Variants in EIF4E3 observed in about 807,000 individuals in gnomAD.
The protein encoded by EIF4E3 is eukaryotic translation initiation factor 4E family member 3.
Under a neutral mutation model 31.7 loss-of-function variants are expected in EIF4E3, and 26 were observed. That is an observed-to-expected ratio of 0.82 (90% CI 0.60 to 1.14). EIF4E3 has a LOEUF of 1.14. Among genes scored for constraint, EIF4E3 ranks in the 50% most tolerant of loss-of-function variants. The pLI, the probability that EIF4E3 is intolerant of heterozygous loss-of-function variation, is 0.00. For synonymous variants in EIF4E3, 128 were observed against 107.7 expected (o/e 1.19, Z -1.17); for missense variants, 304 against 270.9 (o/e 1.12, Z -0.86).
chr3:71,735,823 G>T (rs907803914), intron 1 of EIF4E3, among the ~76,000 whole-genome samples: 3 of 151,496 alleles, frequency 2.0e-5, no homozygotes, highest in Non-Finnish European at 4.4e-5. Context: ...AAAATGAGAA[G>T]AAAACATTTT....
rs539763498 is a variant in EIF4E3 at position 71,677,521 on chromosome 3, C to T, written c.*7161G>A. The stretch of plus-strand genomic sequence containing the variant: ...CACATTCCAAAAAGTGCATCAATAA[C>T]GACTAGATGATAAAGTACACACAGA... On this transcript the variant is annotated 3_prime_UTR_variant, in exon 7 of 7. Transcript: ENST00000425534. The T allele has an allele frequency of 6.6e-6, 1 of 151,916 alleles. No homozygotes were observed. Among genetic ancestry groups the T allele is most frequent in the Non-Finnish European group, 1.5e-5 (1 of 67,952 alleles). 9.4% of individuals were successfully genotyped at this position (151,916 alleles called of 1,614,324 possible).
intron 2 of EIF4E3, among the ~76,000 whole-genome samples, chr3:71,706,966 C>T (rs966393873): frequency 1.3e-5 from 2 of 152,342 alleles, no homozygotes; most frequent in South Asian, 4.1e-4. Flanking sequence ...TGGACACTCG[C>T]AGGCTGAAAA....
At position 71,681,577 on chromosome 3, in the gene EIF4E3, G is replaced by GTGGCTAGTGGGCAGGTTAAGGC. The variant is rs2048923884; in HGVS notation, c.*3083_*3104dup. On this transcript the variant is annotated 3_prime_UTR_variant, in exon 7 of 7. Coordinates refer to ENST00000425534, the MANE Select transcript of EIF4E3 (RefSeq NM_001134651.2). The stretch of plus-strand genomic sequence containing the variant: ...ATCAGATATTTAATGCTTGATTAGG[G>GTGGCTAGTGGGCAGGTTAAGGC]TGGCTAGTGGGCAGGTTAAGGCTGG... 1 of 152,248 alleles carries GTGGCTAGTGGGCAGGTTAAGGC rather than the reference G, an allele frequency of 6.6e-6. No homozygotes were observed. Among genetic ancestry groups the GTGGCTAGTGGGCAGGTTAAGGC allele is most frequent in the Non-Finnish European group, 1.5e-5 (1 of 68,082 alleles). 9.4% of individuals were successfully genotyped at this position (152,248 alleles called of 1,614,324 possible).
intron 2 of EIF4E3, among the ~76,000 whole-genome samples, chr3:71,700,102 A>G (rs1268623121): frequency 2.0e-5 from 3 of 152,172 alleles, no homozygotes; most frequent in African/African-American, 7.2e-5. Flanking sequence ...TGAGCCTGGG[A>G]AGTCGAGGCT....
At chr3:71,717,249 T>C (rs568853961) in intron 1 of EIF4E3, among the ~76,000 whole-genome samples, 3 of 152,354 alleles carry the variant, frequency 2.0e-5, no homozygotes, top group South Asian at 2.1e-4. Context: ...GTGATTTGCA[T>C]GTACATTAGA....
chr3:71,660,490 C>T, the EIF4E3 span, among the ~76,000 whole-genome samples: 4 of 152,122 alleles, frequency 2.6e-5, no homozygotes, highest in African/African-American at 4.8e-5. Flanking sequence ...CCACCAAACC[C>T]GGGCCCTCTG....
At chr3:71,710,884 T>C (rs1409516058) in intron 1 of EIF4E3, among the ~76,000 whole-genome samples, 1 of 152,216 alleles carries the variant, frequency 6.6e-6, no homozygotes, top group African/African-American at 2.4e-5. Context: ...CCTGGTGATA[T>C]GTTTGCAAAC....
chr3:71,725,177 C>A lies in EIF4E3; in HGVS notation c.176+15G>T. 9.2e-7 allele frequency: 1 copy of A among 1,084,538 alleles called. No individual in the cohort carries two copies. The highest frequency in any genetic ancestry group is 1.1e-6 in the Non-Finnish European group (1 of 896,546). The allele number at this position is 1,084,538 out of a possible 1,614,324, so 67.2% of individuals were successfully genotyped here. A position where few individuals can be genotyped will look rare whatever the true frequency, so the allele number is the denominator to read the frequency against. On this transcript the variant is annotated intron_variant, in intron 1 of 6. Transcript: ENST00000425534. This position sits in a 1 kb window ranked among gnomAD's most constrained non-coding sequence, Gnocchi z 6.1. ...CGGGTCGGGGCCGTGCGCGGCGGGCCCCGCGCCCCCTCACCTGTCGAGCCA... is the reference window on the plus strand; with the variant it reads ...CGGGTCGGGGCCGTGCGCGGCGGGCACCGCGCCCCCTCACCTGTCGAGCCA...
In EIF4E3 at chr3:71,689,933, C is replaced by T. The variant is rs1349953576; in HGVS notation, c.628+77G>A. ...ATTTCAAGTAAATCTGCCTTCACCA[C>T]ATTTGCAAAACAGTTTCTATCTTTA... is the stretch of plus-strand genomic sequence containing the variant. On this transcript the variant is annotated intron_variant, in intron 6 of 6. Transcript: ENST00000425534. 5 of 1,318,070 alleles carry T rather than the reference C, an allele frequency of 3.8e-6. No homozygotes were observed. In the South Asian group the frequency reaches 7.0e-5, roughly 18 times the overall value. 81.6% of individuals were successfully genotyped at this position (1,318,070 alleles called of 1,614,324 possible). A position where few individuals can be genotyped will look rare whatever the true frequency, so the allele number is the denominator to read the frequency against.
chr3:71,713,241 G>A (rs994375808), intron 1 of EIF4E3, among the ~76,000 whole-genome samples: 5 of 152,152 alleles, frequency 3.3e-5, no homozygotes, highest in African/African-American at 1.2e-4. Flanking sequence ...ACTTAGAGAG[G>A]TTTGGGAACT....
chr3:71,666,071 C>A, the EIF4E3 span, among the ~76,000 whole-genome samples: 1 of 152,072 alleles, frequency 6.6e-6, no homozygotes, highest in African/African-American at 2.4e-5. Flanking sequence ...CAGAAGCTAG[C>A]AGAAGACAAG....
At chr3:71,729,629 C>G (rs2044608), upstream of EIF4E3, among the ~76,000 whole-genome samples, 27,739 of 152,110 alleles carry the variant, frequency 0.18, 2,583 homozygotes, top group East Asian at 0.32. Context: ...TATGTCAAGT[C>G]CCTGGTATAT....
chr3:71,688,041 T>C (rs894017968), intron 6 of EIF4E3, among the ~76,000 whole-genome samples: 25 of 152,188 alleles, frequency 1.6e-4, no homozygotes, highest in Admixed American at 1.6e-3. Context: ...AGATTTTTAT[T>C]TGAACAATCT....
chr3:71,754,379 CT>C, upstream of EIF4E3: 1 of 1,338,820 alleles, frequency 7.5e-7, no homozygotes, highest in Non-Finnish European at 9.7e-7. The surrounding 1 kb of genome is among the most constrained non-coding windows in gnomAD (Gnocchi z 5.8). Context: ...TCCACGCCGC[CT>C]TCCTGCTGCT....
chr3:71,706,261 C>T (rs62246327), intron 2 of EIF4E3, among the ~76,000 whole-genome samples: 22,597 of 152,020 alleles, frequency 0.15, 1,803 homozygotes, highest in East Asian at 0.36. Flanking sequence ...CAAGGCATGA[C>T]TGGCTCTTTC....
chr3:71,709,727 A>T (rs1040133725), intron 2 of EIF4E3, among the ~76,000 whole-genome samples: 2 of 152,176 alleles, frequency 1.3e-5, no homozygotes, highest in Non-Finnish European at 2.9e-5. Flanking sequence ...CATCAGAGTT[A>T]GATAGAGAAA....
chr3:71,663,047 C>A, the EIF4E3 span, among the ~76,000 whole-genome samples: 1 of 152,094 alleles, frequency 6.6e-6, no homozygotes, highest in African/African-American at 2.4e-5. Context: ...CATGAATACT[C>A]AAAACTGAAC....
the EIF4E3 span, among the ~76,000 whole-genome samples, chr3:71,668,222 C>T: frequency 3.1e-4 from 47 of 152,078 alleles, no homozygotes; most frequent in Non-Finnish European, 1.2e-4. Context: ...TGAAACTGGA[C>T]CCCTTCCTTA....
Position 71,682,460 on chromosome 3 carries a change from G to GT in EIF4E3, c.*2221dup, listed in dbSNP as rs1279286608. 2 of 152,154 alleles carry GT rather than the reference G, an allele frequency of 1.3e-5. No individual in the cohort carries two copies. The highest frequency in any genetic ancestry group is 4.8e-5 in the African/African-American group (2 of 41,416). The allele number at this position is 152,154 out of a possible 1,614,324, so 9.4% of individuals were successfully genotyped here. A position where few individuals can be genotyped will look rare whatever the true frequency, so the allele number is the denominator to read the frequency against. On this transcript the variant is annotated 3_prime_UTR_variant, in exon 7 of 7. Transcript: ENST00000425534. The stretch of plus-strand genomic sequence containing the variant: ...CTTTAATCTAAGAAGGTAATGAGAG[G>GT]TTTTTAAACTGATTAAATCAGCTTA...
Sources: gnomAD v4.1 joint callset for allele counts (sites outside exome capture counted in the v4.1 genomes callset) on GRCh38, gnomAD v4.1.1 for gene constraint, Gnocchi (gnomAD v3.1) non-coding constraint, MANE v1.5 for transcripts, NCBI Gene and HGNC (gene_info 2026-07-23, HGNC 2026-07-21) for gene names.